The following RGS8 variants were observed in gnomAD, a reference collection of about 807,000 sequenced individuals.
The protein encoded by RGS8 is regulator of G-protein signaling 8.
RGS8 carries 8 observed loss-of-function variants against 21.7 expected under a neutral mutation model. The observed-to-expected ratio is 0.37, with a 90% CI of 0.22 to 0.66. The LOEUF (loss-of-function observed/expected upper bound fraction) is 0.66, where lower values mean the gene tolerates loss of function less well. RGS8 is among the 30% of genes least tolerant of loss of function. The pLI, the probability that RGS8 is intolerant of heterozygous loss-of-function variation, is 0.59. For synonymous variants in RGS8, 80 were observed against 83.6 expected, an observed-to-expected ratio of 0.96 and a Z score of 0.24; for missense variants, 157 against 217.9, an observed-to-expected ratio of 0.72 and a Z score of 1.76.
chr1:182,669,242 G>A (rs1664032587), intron 3 of RGS8, among the ~76,000 whole-genome samples: 1 of 152,178 alleles, frequency 6.6e-6, no homozygotes, highest in South Asian at 2.1e-4. Context: ...AAAGGTTAAG[G>A]ATACTTTTTT....
At chr1:182,714,075 T>G in the RGS8 span, among the ~76,000 whole-genome samples, 1 of 152,088 alleles carries the variant, frequency 6.6e-6, no homozygotes, top group African/African-American at 2.4e-5. Context: ...ATAAGAAGAC[T>G]TTTCTAACCT....
At chr1:182,747,848 G>A in the RGS8 span, among the ~76,000 whole-genome samples, 84 of 139,290 alleles carry the variant, frequency 6.0e-4, no homozygotes, top group African/African-American at 8.0e-4. Context: ...CTAAAAATAC[G>A]AAAAAAAAAA....
chr1:182,666,073 T>A (rs1306288467), intron 4 of RGS8, 40 bp from the exon 6 acceptor site: 1 of 1,567,972 alleles, frequency 6.4e-7, no homozygotes, highest in East Asian at 2.2e-5. Flanking sequence ...GTTTCTGAAA[T>A]AACCTCCTTG....
At chr1:182,745,959 C>G in the RGS8 span, among the ~76,000 whole-genome samples, 1 of 152,176 alleles carries the variant, frequency 6.6e-6, no homozygotes, top group South Asian at 2.1e-4. Flanking sequence ...AAAGATTTTT[C>G]CCACATGTAC....
chr1:182,669,520 A>G (rs1664046415), intron 3 of RGS8, 104 bp downstream of exon 4: 4 of 1,545,762 alleles, frequency 2.6e-6, no homozygotes, highest in African/African-American at 2.7e-5. Flanking sequence ...TAGACCACGC[A>G]TGGGCTCAGA....
chr1:182,677,987 G>T (rs540674919), intron 1 of RGS8, among the ~76,000 whole-genome samples: 60 of 152,318 alleles, frequency 3.9e-4, no homozygotes, highest in African/African-American at 1.4e-3. Context: ...CATGGACTTT[G>T]TGTTGAATCC....
intron 1 of RGS8, among the ~76,000 whole-genome samples, chr1:182,682,247 G>A (rs1664557968): frequency 6.6e-6 from 1 of 152,172 alleles, no homozygotes; most frequent in Non-Finnish European, 1.5e-5. Flanking sequence ...GTCACAAGTT[G>A]GAGCTGGGAT....
the RGS8 span, among the ~76,000 whole-genome samples, chr1:182,740,548 G>GTTTTTTTTTTTTTTTTTTT: frequency 1.3e-4 from 10 of 75,978 alleles, no homozygotes; most frequent in Non-Finnish European, 2.3e-4. Flanking sequence ...TTGTTTGTTT[G>GTTTTTTTTTTTTTTTTTTT]TTTTTTTTTT....
chr1:182,656,896 G>T (rs10752880), intron 5 of RGS8, among the ~76,000 whole-genome samples: 103,656 of 152,058 alleles, frequency 0.68, 35,939 homozygotes, highest in Non-Finnish European at 0.75. Context: ...CACCCACTTT[G>T]TATGCCTATC....
At chr1:182,646,340 A>T (rs1662700312) in exon 7 of RGS8, 1 of 169,262 alleles carries the variant, frequency 5.9e-6, no homozygotes, top group Admixed American at 5.7e-5. Flanking sequence ...CCAGGGATTT[A>T]CAACAAGTGG....
the RGS8 span, among the ~76,000 whole-genome samples, chr1:182,732,876 C>T: frequency 1.3e-5 from 2 of 152,222 alleles, no homozygotes; most frequent in South Asian, 2.1e-4. Context: ...TCTTGTGGCA[C>T]ATGCCTCAGG....
chr1:182,672,543 C>A (rs1355603938), upstream of RGS8, among the ~76,000 whole-genome samples: 1 of 152,132 alleles, frequency 6.6e-6, no homozygotes, highest in African/African-American at 2.4e-5. Context: ...CCACTCCCAC[C>A]CTAACCAGTG....
the RGS8 span, among the ~76,000 whole-genome samples, chr1:182,704,392 C>T: frequency 1.3e-5 from 2 of 152,274 alleles, no homozygotes; most frequent in Non-Finnish European, 2.9e-5. Flanking sequence ...AGGCAGGCCC[C>T]GTCATAAGCC....
At chr1:182,709,359 C>G in the RGS8 span, among the ~76,000 whole-genome samples, 1 of 152,120 alleles carries the variant, frequency 6.6e-6, no homozygotes, top group Non-Finnish European at 1.5e-5. Flanking sequence ...CTCTCTTGCT[C>G]TCTCTCTCAC....
At chr1:182,653,989 GC>G (rs142589048) in intron 5 of RGS8, among the ~76,000 whole-genome samples, 6,299 of 152,290 alleles carry the variant, frequency 0.041, 215 homozygotes, top group East Asian at 0.13. Flanking sequence ...TATTTAGGAT[GC>G]GGGGCAAGGA....
chr1:182,712,634 A>G, the RGS8 span, among the ~76,000 whole-genome samples: 2 of 152,218 alleles, frequency 1.3e-5, no homozygotes, highest in African/African-American at 4.8e-5. Flanking sequence ...TCTAACACAG[A>G]AGTATTCTAT....
chr1:182,685,647 C>A (rs1019855898), upstream of RGS8, among the ~76,000 whole-genome samples: 1 of 152,136 alleles, frequency 6.6e-6, no homozygotes, highest in Non-Finnish European at 1.5e-5. Context: ...GGGCAGAACA[C>A]GACTCTTGCA....
the RGS8 span, among the ~76,000 whole-genome samples, chr1:182,720,167 G>T: frequency 6.6e-6 from 1 of 152,084 alleles, no homozygotes; most frequent in African/African-American, 2.4e-5. Context: ...TCTCTTGTTT[G>T]TTTGTTTGTT....
chr1:182,649,095 C>A (rs550036309), intron 5 of RGS8, among the ~76,000 whole-genome samples: 2 of 151,810 alleles, frequency 1.3e-5, no homozygotes, highest in Non-Finnish European at 2.9e-5. Context: ...ACCAAAAATA[C>A]GTCTCATAAA....
Sources: allele counts gnomAD v4.1 joint callset (sites outside exome capture counted in the v4.1 genomes callset), GRCh38; gene constraint gnomAD v4.1.1; transcripts MANE v1.5; gene names NCBI Gene and HGNC (gene_info 2026-07-23, HGNC 2026-07-21).